Variants in SLCO1A2 observed in about 807,000 individuals in gnomAD.
SLCO1A2 encodes solute carrier organic anion transporter family member 1A2, also known as OATP-1.
A neutral mutation model predicts 69.0 loss-of-function variants in SLCO1A2; 67 were observed. The ratio of observed to expected loss-of-function variants is 0.97; its 90% CI spans 0.80 to 1.19. The LOEUF (loss-of-function observed/expected upper bound fraction) is 1.19. SLCO1A2 is among the 50% of genes most tolerant of loss of function. The pLI, the probability that SLCO1A2 is intolerant of heterozygous loss-of-function variation, is 0.00. For synonymous variants in SLCO1A2, 260 were observed against 265.9 expected, an observed-to-expected ratio of 0.98 and a Z score of 0.22; for missense variants, 787 against 793.7, an observed-to-expected ratio of 0.99 and a Z score of 0.10.
At chr12:21,365,033 T>C (rs1418841440) in intron 2 of SLCO1A2, among the ~76,000 whole-genome samples, 1 of 152,116 alleles carries the variant, frequency 6.6e-6, no homozygotes, top group Non-Finnish European at 1.5e-5. Flanking sequence ...CTTCACAGAA[T>C]TGGAAAAAAC....
At chr12:21,347,774 A>G (rs1057256468) in intron 2 of SLCO1A2, among the ~76,000 whole-genome samples, 2 of 152,224 alleles carry the variant, frequency 1.3e-5, no homozygotes, top group African/African-American at 4.8e-5. Context: ...CATTATATAA[A>G]TAGCACTTAT....
intron 4 of SLCO1A2, among the ~76,000 whole-genome samples, chr12:21,312,106 A>G (rs1950292910): frequency 1.3e-5 from 2 of 152,084 alleles, no homozygotes; most frequent in East Asian, 1.9e-4. Flanking sequence ...GAAGAAGAAG[A>G]AGGCTGTTTC....
chr12:21,363,768 C>T (rs189106057), intron 2 of SLCO1A2, among the ~76,000 whole-genome samples: 1 of 152,172 alleles, frequency 6.6e-6, no homozygotes, highest in Admixed American at 6.5e-5. Context: ...ACTATAAACA[C>T]CTCTGTGCAA....
At chr12:21,396,853 A>C (rs1941483381), upstream of SLCO1A2, among the ~76,000 whole-genome samples, 1 of 152,206 alleles carries the variant, frequency 6.6e-6, no homozygotes, top group Non-Finnish European at 1.5e-5. Flanking sequence ...GGCCTGCCTT[A>C]CAAGAGCTCC....
In SLCO1A2 at chr12:21,307,524, A is replaced by G. The variant is rs1949578298; in HGVS notation, c.336-536T>C. On this transcript the variant is annotated intron_variant, in intron 4 of 14. Transcript: ENST00000683939. ...TTTGTCCATCATAATGAGAGGCCTTAAGAGAATCTCAATCACCATGACACA... is the reference window on the plus strand; with the variant it reads ...TTTGTCCATCATAATGAGAGGCCTTGAGAGAATCTCAATCACCATGACACA... 2.0e-5 allele frequency among the ~76,000 whole-genome samples: 3 copies of G among 152,212 alleles called. No homozygotes were observed. The South Asian group carries it at 6.2e-4, about 32-fold the overall frequency.
intron 12 of SLCO1A2, among the ~76,000 whole-genome samples, chr12:21,281,858 A>G (rs1944857321): frequency 6.6e-6 from 1 of 152,152 alleles, no homozygotes; most frequent in African/African-American, 2.4e-5. Flanking sequence ...TCCTAGACAC[A>G]TACAACCCAT....
chr12:21,346,746 C>G (rs1293041274), intron 2 of SLCO1A2, among the ~76,000 whole-genome samples: 1 of 152,194 alleles, frequency 6.6e-6, no homozygotes, highest in African/African-American at 2.4e-5. Context: ...ACTGTCTGCT[C>G]TACTCCCCCA....
At chr12:21,277,496 CTGTT>C (rs890553431) in intron 12 of SLCO1A2, among the ~76,000 whole-genome samples, 12 of 144,036 alleles carry the variant, frequency 8.3e-5, no homozygotes, top group Admixed American at 1.4e-4. Context: ...GAGAGACTCT[CTGTT>C]TGAGAAAAGC....
At chr12:21,394,417 T>A (rs1400532242) in intron 1 of SLCO1A2, among the ~76,000 whole-genome samples, 1 of 148,308 alleles carries the variant, frequency 6.7e-6, no homozygotes, top group African/African-American at 2.5e-5. Context: ...AGTGCATGCC[T>A]GTAGTCCCAG....
At chr12:21,373,561 A>C (rs938769930) in intron 2 of SLCO1A2, 2 of 724,190 alleles carry the variant, frequency 2.8e-6, no homozygotes, top group African/African-American at 3.5e-5. Context: ...ACCTTCAGCT[A>C]TTCCATTGTT....
chr12:21,288,778 A>G (rs1031391250), intron 12 of SLCO1A2, among the ~76,000 whole-genome samples: 3 of 152,012 alleles, frequency 2.0e-5, no homozygotes, highest in Non-Finnish European at 4.4e-5. Flanking sequence ...CACATAACCC[A>G]TAAATATATA....
At chr12:21,299,812 A>T (rs1948381811) in intron 8 of SLCO1A2, among the ~76,000 whole-genome samples, 1 of 121,040 alleles carries the variant, frequency 8.3e-6, no homozygotes, top group African/African-American at 4.3e-5. Context: ...ATATATATAC[A>T]CACACACATA....
intron 2 of SLCO1A2, among the ~76,000 whole-genome samples, chr12:21,349,728 G>A (rs549899059): frequency 5.9e-5 from 9 of 151,994 alleles, no homozygotes; most frequent in Admixed American, 2.0e-4. Context: ...CTCCAGCATC[G>A]GCCAGTCCAG....
Position 21,389,144 on chromosome 12 carries a change from T to C in SLCO1A2, c.-190+5762A>G, listed in dbSNP as rs1450070231. 3.3e-5 allele frequency among the ~76,000 whole-genome samples: 5 copies of C among 152,170 alleles called. No homozygotes were observed. In the East Asian group the frequency reaches 7.7e-4, roughly 23 times the overall value. On this transcript the variant is annotated intron_variant, in intron 1 of 15. Coordinates refer to the SLCO1A2 transcript ENST00000307378. Reference sequence around the variant, plus strand: ...ACAACCAAATATGAGTTAGGGTCACTGTGACCAGTAATCTGAGGTAAACTG... The same window carrying C: ...ACAACCAAATATGAGTTAGGGTCACCGTGACCAGTAATCTGAGGTAAACTG...
At chr12:21,325,265 A>G (rs1952128860) in intron 2 of SLCO1A2, among the ~76,000 whole-genome samples, 1 of 152,182 alleles carries the variant, frequency 6.6e-6, no homozygotes, top group African/African-American at 2.4e-5. Flanking sequence ...TTGATAGGAG[A>G]AACATCCCCC....
chr12:21,415,327 G>T (rs908581309), intron 1 of SLCO1A2, among the ~76,000 whole-genome samples: 1 of 151,932 alleles, frequency 6.6e-6, no homozygotes, highest in South Asian at 2.1e-4. Flanking sequence ...GAATATATTT[G>T]GGGAGAAGGG....
chr12:21,351,664 G>A (rs1260460547), intron 2 of SLCO1A2, among the ~76,000 whole-genome samples: 1 of 151,710 alleles, frequency 6.6e-6, no homozygotes, highest in African/African-American at 2.4e-5. Context: ...TGTAATCCCA[G>A]TGACTCAGGA....
chr12:21,390,741 GGA>G (rs1941110210), intron 1 of SLCO1A2, among the ~76,000 whole-genome samples: 1 of 152,106 alleles, frequency 6.6e-6, no homozygotes, highest in African/African-American at 2.4e-5. Flanking sequence ...GACTCAAATA[GGA>G]GATATCTAAA....
At position 21,306,919 on chromosome 12, in the gene SLCO1A2, A is replaced by G; in HGVS notation, c.405T>C (p.Asn135=). Reference sequence around the variant, plus strand: ...GCGTTGGTCTTAAAATCTGGGTTCCATTTTCCATACACAAGAAACTGTTTG... The same window carrying G: ...GCGTTGGTCTTAAAATCTGGGTTCCGTTTTCCATACACAAGAAACTGTTTG... The part of the protein sequence containing the change: ...LSSNSFLCME[N]GTQILRPTQD... Residue 135 remains asparagine, a synonymous_variant, in exon 5 of 15, where the codon AAT becomes AAC. Transcript: ENST00000683939. 6.2e-7 allele frequency: 1 copy of G among 1,613,980 alleles called. No individual in the cohort carries two copies. The highest frequency in any genetic ancestry group is 8.5e-7 in the Non-Finnish European group (1 of 1,179,910).
Sources: gnomAD v4.1 joint callset for allele counts (sites outside exome capture counted in the v4.1 genomes callset) on GRCh38, gnomAD v4.1.1 for gene constraint, MANE v1.5 for transcripts, NCBI Gene and HGNC (gene_info 2026-07-23, HGNC 2026-07-21) for gene names.